The following VEPH1 variants were observed in gnomAD, a reference collection of about 807,000 sequenced individuals.
The protein encoded by VEPH1 is ventricular zone expressed PH domain containing 1.
Under a neutral mutation model 85.2 loss-of-function variants are expected in VEPH1, and 80 were observed. That is an observed-to-expected ratio of 0.94 (90% confidence interval 0.78 to 1.13). The LOEUF is 1.13. VEPH1 is among the 50% of genes most tolerant of loss of function. VEPH1 has a pLI of 0.00. For missense variants in VEPH1, 955 were observed against 980.5 expected (o/e 0.97, Z 0.35); for synonymous variants, 297 against 348.0 (o/e 0.85, Z 1.63).
chr3:157,366,449 G>A (rs1261698355), intron 7 of VEPH1, among the ~76,000 whole-genome samples: 2 of 151,928 alleles, frequency 1.3e-5, no homozygotes, highest in Non-Finnish European at 2.9e-5. Flanking sequence ...AAGAAAGAAA[G>A]CACTGCCAGG....
chr3:157,409,876 C>T, intron 6 of VEPH1: 1 of 985,398 alleles, frequency 1.0e-6, no homozygotes, highest in Non-Finnish European at 1.2e-6. Context: ...ACAGGAGACT[C>T]TGCTCTTCTT....
intron 4 of VEPH1, among the ~76,000 whole-genome samples, chr3:157,448,237 T>A (rs73873693): frequency 0.01 from 1,580 of 152,228 alleles, 11 homozygotes; most frequent in African/African-American, 0.018. Context: ...ATTTTCCAGG[T>A]CATTGCCAGC....
chr3:157,372,883 T>C (rs573515484), intron 7 of VEPH1, among the ~76,000 whole-genome samples: 1 of 152,254 alleles, frequency 6.6e-6, no homozygotes, highest in Non-Finnish European at 1.5e-5. Context: ...CTTATTTTCT[T>C]ATTTTTAATA....
chr3:157,373,621 C>G (rs572140099), intron 7 of VEPH1, among the ~76,000 whole-genome samples: 1 of 152,228 alleles, frequency 6.6e-6, no homozygotes, highest in East Asian at 1.9e-4. Flanking sequence ...GCACCCTGGC[C>G]CTCCTCTCAC....
chr3:157,363,239 T>TA (rs1057054755), intron 9 of VEPH1, 125 bp downstream of exon 9: 15 of 970,676 alleles, frequency 1.5e-5, no homozygotes, highest in East Asian at 7.5e-5. Context: ...GTAAGGTATT[T>TA]AAAAAAAATG....
At chr3:157,434,589 G>A (rs977488515) in intron 4 of VEPH1, among the ~76,000 whole-genome samples, 5 of 152,160 alleles carry the variant, frequency 3.3e-5, no homozygotes, top group African/African-American at 1.2e-4. Flanking sequence ...CTGGGATTCT[G>A]AACGTGAGCC....
At chr3:157,267,220 C>T (rs1260330959) in intron 12 of VEPH1, among the ~76,000 whole-genome samples, 3 of 151,098 alleles carry the variant, frequency 2.0e-5, no homozygotes, top group Admixed American at 6.6e-5. Context: ...CTCAGTCTCC[C>T]GAGTAGCTGA....
chr3:157,482,300 C>T (rs1426809910), intron 2 of VEPH1, among the ~76,000 whole-genome samples: 1 of 152,076 alleles, frequency 6.6e-6, no homozygotes, highest in Non-Finnish European at 1.5e-5. Flanking sequence ...CCCAACTCAC[C>T]GTAACCTCTG....
At chr3:157,421,309 C>T (rs968444350) in intron 5 of VEPH1, among the ~76,000 whole-genome samples, 1 of 152,056 alleles carries the variant, frequency 6.6e-6, no homozygotes, top group African/African-American at 2.4e-5. Flanking sequence ...TCCCAGGTCA[C>T]AGAAGGTGGG....
chr3:157,266,420 C>G lies in VEPH1; in HGVS notation c.2129-758G>C, dbSNP rs751379821. On this transcript the variant is annotated intron_variant, in intron 12 of 13. Transcript: ENST00000362010. The stretch of plus-strand genomic sequence containing the variant: ...TCCAAATCCAGATGAGGGTGGCTTT[C>G]CCCCATATGTTCTCATGGCACATGG... Among the ~76,000 whole-genome samples, 100 of 151,864 alleles carry G rather than the reference C, an allele frequency of 6.6e-4. 1 individual carries two copies. The Middle Eastern group carries it at 0.01, about 15-fold the overall frequency.
At chr3:157,472,579 G>A (rs183826040) in intron 2 of VEPH1, among the ~76,000 whole-genome samples, 79 of 152,090 alleles carry the variant, frequency 5.2e-4, no homozygotes, top group South Asian at 6.2e-4. Flanking sequence ...AGGTAAACTC[G>A]TGTCATGGGA....
At chr3:157,459,519 T>C in intron 4 of VEPH1, 2 of 814,376 alleles carry the variant, frequency 2.5e-6, no homozygotes, top group Middle Eastern at 6.0e-4. Context: ...GACATTTGGA[T>C]GCACATCAAT....
Position 157,433,759 on chromosome 3 carries a change from T to TGA in VEPH1, c.530-5273_530-5272dup, listed in dbSNP as rs1733345861. Among the ~76,000 whole-genome samples, 3 of 152,224 alleles carry TGA rather than the reference T, an allele frequency of 2.0e-5. No individual in the cohort carries two copies. In the South Asian group the frequency reaches 6.2e-4, roughly 31 times the overall value. On this transcript the variant is annotated intron_variant, in intron 4 of 13. Transcript: ENST00000362010. Reference sequence around the variant, plus strand: ...ATGTAAAATGAATTTAGCACATTCCTGAACACTCTATTCTCAGAAGCAGTT... The same window carrying TGA: ...ATGTAAAATGAATTTAGCACATTCCTGAGAACACTCTATTCTCAGAAGCAGTT...
At position 157,486,808 on chromosome 3, in the gene VEPH1, C is replaced by T. The variant is rs143394582; in HGVS notation, c.138+8404G>A. Among the ~76,000 whole-genome samples the T allele has an allele frequency of 3.9e-3, 591 of 152,174 alleles. 2 individuals are homozygous for T. The highest frequency in any genetic ancestry group is 0.013 in the African/African-American group (555 of 41,534). ...GTAACAAAGCAAGTCTCAACTACTT[C>T]GAAATAACTGATACCATGCAGTTCA... On this transcript the variant is annotated intron_variant, in intron 2 of 13. Transcript: ENST00000362010.
At position 157,460,222 on chromosome 3, in the gene VEPH1, A is replaced by G. The variant is rs772486085; in HGVS notation, c.488T>C (p.Leu163Pro). 3.7e-6 allele frequency: 6 copies of G among 1,614,100 alleles called. No homozygotes were observed. The African/African-American group carries it at 5.3e-5, about 14-fold the overall frequency. ...TACTATAACTTCCGTGTGATCAGCCAGGAGATCTGCCTTGGTAATTGCAGC... is the reference window on the plus strand; with the variant it reads ...TACTATAACTTCCGTGTGATCAGCCGGGAGATCTGCCTTGGTAATTGCAGC... ...SLAAITKADLLADHTEVIVKS... is the reference protein window; with the variant it reads ...SLAAITKADLPADHTEVIVKS... The change falls in exon 4 of 14, where the codon CTG becomes CCG. Residue 163 changes from leucine to proline, a missense_variant. Leu to Pro is a moderately conservative substitution (Grantham distance 98). Transcript: ENST00000362010.
chr3:157,284,660 G>A lies in VEPH1; in HGVS notation c.2128+1897C>T, dbSNP rs10439964. Among the ~76,000 whole-genome samples, 440 of 114,608 alleles carry A rather than the reference G, an allele frequency of 3.8e-3. 4 individuals carry two copies. Among genetic ancestry groups the A allele is most frequent in the African/African-American group, 0.012 (424 of 34,786 alleles). The allele number at this position is 114,608 out of a possible 152,430, so 75.2% of individuals were successfully genotyped here. ...ATATAAACTATCCAGGGAGTCAAGG[G>A]TTTTGGTGAAAAAAAAAAAAAACAG... is the stretch of plus-strand genomic sequence containing the variant. On this transcript the variant is annotated intron_variant, in intron 12 of 13. Transcript: ENST00000362010.
In VEPH1 at chr3:157,261,259, CTG is replaced by C; in HGVS notation, c.2375_2376del (p.Thr792ArgfsTer3). The C allele has an allele frequency of 6.2e-7, 1 of 1,613,746 alleles. No homozygotes were observed. The highest frequency in any genetic ancestry group is 8.5e-7 in the Non-Finnish European group (1 of 1,179,788). On this transcript the variant is annotated frameshift_variant, in exon 14 of 14. Coordinates refer to ENST00000362010, the MANE Select transcript of VEPH1 (RefSeq NM_001167912.2). LOFTEE classifies it high-confidence loss of function. ...GCCTTAAAGACATAGGTTTTATTGT[CTG>C]TGAAGATTTCGAAAGCCCGGGGGAG... ...RSLPRAFEIFTDNKTYVFKAK... is the reference protein window; with the variant it reads ...RSLPRAFEIFXDNKTYVFKAK...
intron 9 of VEPH1, among the ~76,000 whole-genome samples, chr3:157,351,153 G>T (rs1004179847): frequency 1.3e-5 from 2 of 152,112 alleles, no homozygotes; most frequent in African/African-American, 4.8e-5. Flanking sequence ...TAAAGAAAAG[G>T]TGGTATATAT....
intron 9 of VEPH1, chr3:157,363,144 G>T: frequency 2.5e-6 from 1 of 396,942 alleles, no homozygotes; most frequent in Non-Finnish European, 4.4e-6. Flanking sequence ...AGAGTCAGTG[G>T]ACTTATGTGC....
Sources: allele counts gnomAD v4.1 joint callset (sites outside exome capture counted in the v4.1 genomes callset), GRCh38; gene constraint gnomAD v4.1.1; transcripts MANE v1.5; gene names NCBI Gene and HGNC (gene_info 2026-07-23, HGNC 2026-07-21).